RASAL2: variants seen among roughly 807,000 people sequenced by gnomAD.
RASAL2 encodes ras GTPase-activating protein nGAP.
In RASAL2, 58 loss-of-function variants were observed where a neutral mutation model predicts 128.9. The observed-to-expected ratio is 0.45, with a 90% CI of 0.36 to 0.56. The LOEUF (loss-of-function observed/expected upper bound fraction) is 0.56, where lower values mean the gene tolerates loss of function less well. Among genes scored for constraint, RASAL2 ranks in the 20% least tolerant of loss-of-function variants. The probability of loss-of-function intolerance (pLI) is 0.00; values close to 1 mark genes in which losing one functional copy is unlikely to be tolerated. For synonymous variants in RASAL2, 561 were observed against 580.8 expected (o/e 0.97, Z 0.49); for missense variants, 1,360 against 1,601.6 (o/e 0.85, Z 2.57).
chr1:178,346,934 C>A (rs1670187080), intron 3 of RASAL2, among the ~76,000 whole-genome samples: 1 of 152,062 alleles, frequency 6.6e-6, no homozygotes, highest in Non-Finnish European at 1.5e-5. Flanking sequence ...GGAAGTATAG[C>A]TGTTTGTCCC....
intron 1 of RASAL2, among the ~76,000 whole-genome samples, chr1:178,128,144 C>A (rs1212568758): frequency 6.6e-6 from 1 of 151,986 alleles, no homozygotes; most frequent in Non-Finnish European, 1.5e-5. Context: ...CATCACTACC[C>A]GAGTATTTAT....
intron 1 of RASAL2, among the ~76,000 whole-genome samples, chr1:178,159,735 C>G (rs1661208296): frequency 6.6e-6 from 1 of 151,968 alleles, no homozygotes; most frequent in African/African-American, 2.4e-5. Flanking sequence ...TTGAGACCAG[C>G]CTGGCCAGCA....
At chr1:178,145,962 A>G (rs2101868708) in intron 1 of RASAL2, among the ~76,000 whole-genome samples, 1 of 152,300 alleles carries the variant, frequency 6.6e-6, no homozygotes, top group Middle Eastern at 3.4e-3. Context: ...ATGAATTGCT[A>G]CTCCAAATCA....
rs1658583246 is a variant in RASAL2, at chr1:178,094,355, G to A, written c.-138G>A. On this transcript the variant is annotated 5_prime_UTR_variant, in exon 1 of 18. Coordinates refer to ENST00000367649, the MANE Select transcript of RASAL2 (RefSeq NM_170692.4). ...GTGGGCGACGGGGAAGGAGGTGAGAGGTGTCCGCGCCGGCTGCCGCTCGGG... is the reference window on the plus strand; with the variant it reads ...GTGGGCGACGGGGAAGGAGGTGAGAAGTGTCCGCGCCGGCTGCCGCTCGGG... 2.6e-6 allele frequency: 2 copies of A among 759,706 alleles called. No individual in the cohort carries two copies. Among genetic ancestry groups the A allele is most frequent in the Non-Finnish European group, 4.0e-6 (2 of 499,634 alleles). The allele number at this position is 759,706 out of a possible 1,614,324, so 47.1% of individuals were successfully genotyped here. A position where few individuals can be genotyped will look rare whatever the true frequency, so the allele number is the denominator to read the frequency against.
chr1:178,259,608 C>T (rs1452543791), intron 1 of RASAL2, among the ~76,000 whole-genome samples: 1 of 152,196 alleles, frequency 6.6e-6, no homozygotes, highest in Non-Finnish European at 1.5e-5. Context: ...CCAAGTCTCT[C>T]TCTGTCACTC....
rs772352575 is a variant in RASAL2 at position 178,390,177 on chromosome 1, A to C, written c.535A>C (p.Thr179Pro). The C allele has an allele frequency of 2.5e-6, 4 of 1,611,616 alleles. No homozygotes were observed. In the South Asian group the frequency reaches 4.4e-5, roughly 18 times the overall value. The change falls in exon 4 of 18, where the codon ACT becomes CCT. Residue 179 changes from threonine (T) to proline (P), a missense_variant. Thr to Pro is a conservative substitution (Grantham distance 38). This residue lies in a region of RASAL2 where 617 missense variants were observed against 714.2 expected (regional missense o/e 0.86). Coordinates refer to ENST00000367649, the MANE Select transcript of RASAL2 (RefSeq NM_170692.4). ...STSEKPNSMD[T>P]ANTSPFKVPG... ...ATCAGAGAAACCCAACTCCATGGAC[A>C]CTGCAAATACCTCACCCTTCAAAGT...
intron 1 of RASAL2, among the ~76,000 whole-genome samples, chr1:178,184,163 G>A (rs1026630276): frequency 6.6e-6 from 1 of 151,998 alleles, no homozygotes; most frequent in Non-Finnish European, 1.5e-5. Flanking sequence ...TTTTTATATT[G>A]GTGAACTTTA....
chr1:178,199,126 TCTC>T (rs1397501128), intron 1 of RASAL2, among the ~76,000 whole-genome samples: 4 of 152,188 alleles, frequency 2.6e-5, no homozygotes, highest in Non-Finnish European at 5.9e-5. Context: ...TGGGATATAA[TCTC>T]CTGGTGTGCC....
At chr1:178,430,845 G>A (rs1350483231) in intron 5 of RASAL2, among the ~76,000 whole-genome samples, 5 of 151,310 alleles carry the variant, frequency 3.3e-5, no homozygotes, top group Non-Finnish European at 7.4e-5. Context: ...TGTTGTGTGT[G>A]TTGATACGAA....
At chr1:178,154,694 A>G (rs1011498679) in intron 1 of RASAL2, among the ~76,000 whole-genome samples, 1 of 152,172 alleles carries the variant, frequency 6.6e-6, no homozygotes, top group Non-Finnish European at 1.5e-5. Flanking sequence ...GGCCATTCAT[A>G]TATCTTCTTT....
intron 5 of RASAL2, among the ~76,000 whole-genome samples, chr1:178,436,352 T>C (rs1385948415): frequency 1.3e-5 from 2 of 152,256 alleles, no homozygotes; most frequent in African/African-American, 4.8e-5. Context: ...AACTATGTAT[T>C]AATTAAAATT....
At chr1:178,325,911 T>C (rs1669016659) in intron 3 of RASAL2, among the ~76,000 whole-genome samples, 1 of 152,034 alleles carries the variant, frequency 6.6e-6, no homozygotes, top group Non-Finnish European at 1.5e-5. Context: ...GGCAACATAA[T>C]GAGACCCCAT....
At chr1:178,380,026 G>T (rs1255291756) in intron 3 of RASAL2, among the ~76,000 whole-genome samples, 1 of 152,094 alleles carries the variant, frequency 6.6e-6, no homozygotes, top group African/African-American at 2.4e-5. Flanking sequence ...GACGACAGGT[G>T]CAGTCGCACG....
chr1:178,305,892 GCACTA>G (rs1467111495), intron 3 of RASAL2, among the ~76,000 whole-genome samples: 3 of 152,184 alleles, frequency 2.0e-5, no homozygotes, highest in Non-Finnish European at 2.9e-5. Context: ...AGATGAAGTA[GCACTA>G]GCAAAGGAAG....
At chr1:178,179,879 C>T (rs1001068665) in intron 1 of RASAL2, among the ~76,000 whole-genome samples, 4 of 152,078 alleles carry the variant, frequency 2.6e-5, no homozygotes, top group African/African-American at 9.7e-5. Flanking sequence ...CAATCTTGTT[C>T]GTACGAAATA....
At chr1:178,183,969 T>C (rs982600433) in intron 1 of RASAL2, among the ~76,000 whole-genome samples, 1 of 152,152 alleles carries the variant, frequency 6.6e-6, no homozygotes, top group East Asian at 1.9e-4. Flanking sequence ...CAGCAGTTGG[T>C]TAGTATTTTG....
chr1:178,185,111 G>GT (rs1197156459), intron 1 of RASAL2, among the ~76,000 whole-genome samples: 297 of 141,034 alleles, frequency 2.1e-3, no homozygotes, highest in East Asian at 0.01. Flanking sequence ...TTTAGTTTTT[G>GT]TTTTTTTTTT....
At chr1:178,420,645 A>G (rs1315561016) in intron 5 of RASAL2, 25 bp downstream of exon 5, 1 of 1,510,632 alleles carries the variant, frequency 6.6e-7, no homozygotes, top group East Asian at 2.3e-5. Flanking sequence ...TTCTTAAAAC[A>G]AAAAAAGCAG....
chr1:178,292,065 A>G (rs896918488), intron 2 of RASAL2, among the ~76,000 whole-genome samples: 12 of 150,986 alleles, frequency 7.9e-5, no homozygotes, highest in Non-Finnish European at 1.6e-4. Context: ...AAAGAATTAT[A>G]AAGAATTTAA....
Sources: gnomAD v4.1 joint callset for allele counts (sites outside exome capture counted in the v4.1 genomes callset) on GRCh38, gnomAD v4.1.1 for gene constraint, gnomAD v4.1.1 regional missense constraint, MANE v1.5 for transcripts, NCBI Gene and HGNC (gene_info 2026-07-23, HGNC 2026-07-21) for gene names.